The following SYCP1 variants were observed in gnomAD, a reference collection of about 807,000 sequenced individuals.
SYCP1 encodes cancer/testis antigen 8.
SYCP1 carries 64 observed loss-of-function variants against 153.1 expected under a neutral mutation model. The ratio of observed to expected loss-of-function variants is 0.42; its 90% CI spans 0.34 to 0.51. The LOEUF (loss-of-function observed/expected upper bound fraction) is 0.51, where lower values mean the gene tolerates loss of function less well. Among genes scored for constraint, SYCP1 ranks in the 20% least tolerant of loss-of-function variants. The pLI, the probability that SYCP1 is intolerant of heterozygous loss-of-function variation, is 0.06. For missense variants in SYCP1, 997 were observed against 1,049.0 expected, an observed-to-expected ratio of 0.95 and a Z score of 0.68; for synonymous variants, 384 against 341.8, an observed-to-expected ratio of 1.12 and a Z score of -1.36.
At chr1:114,966,005 C>T (rs1462454147) in intron 27 of SYCP1, among the ~76,000 whole-genome samples, 2 of 152,114 alleles carry the variant, frequency 1.3e-5, no homozygotes, top group Admixed American at 6.6e-5. Context: ...CTATTAATTA[C>T]TGCCTCAATT....
At chr1:114,878,584 C>G (rs181229503) in intron 12 of SYCP1, among the ~76,000 whole-genome samples, 106 of 152,266 alleles carry the variant, frequency 7.0e-4, no homozygotes, top group Admixed American at 2.4e-3. Context: ...CACTGTATCA[C>G]CCAGGCTGGA....
In SYCP1 at chr1:114,981,503, A is replaced by G; in HGVS notation, c.2550A>G (p.Pro850=). Residue 850 remains proline (P), a synonymous_variant, in exon 29 of 32, where the codon CCA becomes CCG. Coordinates refer to ENST00000369522, the MANE Select transcript of SYCP1 (RefSeq NM_003176.4). Reference sequence around the variant, plus strand: ...CTGCCAAAAATACTTTATCTACACCATTGCCAAAGGTTTGTGTCTAAATTT... The same window carrying G: ...CTGCCAAAAATACTTTATCTACACCGTTGCCAAAGGTTTGTGTCTAAATTT... The part of the protein sequence containing the change: ...WTSAKNTLST[P]LPKAYTVKTP... The G allele has an allele frequency of 1.3e-6, 2 of 1,586,020 alleles. No homozygotes were observed. Among genetic ancestry groups the G allele is most frequent in the Non-Finnish European group, 1.7e-6 (2 of 1,172,260 alleles).
intron 15 of SYCP1, among the ~76,000 whole-genome samples, 180 bp from the exon 16 acceptor site, chr1:114,895,268 A>G (rs896713956): frequency 6.6e-6 from 1 of 151,998 alleles, no homozygotes; most frequent in Non-Finnish European, 1.5e-5. Context: ...TACTATTAAT[A>G]TTTATCTTTT....
intron 27 of SYCP1, among the ~76,000 whole-genome samples, chr1:114,951,388 T>C (rs142099795): frequency 6.6e-6 from 1 of 152,170 alleles, no homozygotes; most frequent in Non-Finnish European, 1.5e-5. Context: ...AAAATATACA[T>C]ATTATATTTG....
intron 27 of SYCP1, among the ~76,000 whole-genome samples, chr1:114,950,189 C>T (rs1229277066): frequency 3.3e-5 from 5 of 152,214 alleles, no homozygotes; most frequent in African/African-American, 1.2e-4. Flanking sequence ...ACCACATCGT[C>T]TTCCCAGCCT....
intron 8 of SYCP1, among the ~76,000 whole-genome samples, chr1:114,861,450 T>C (rs992975309): frequency 3.3e-5 from 5 of 152,152 alleles, no homozygotes; most frequent in African/African-American, 9.7e-5. Context: ...CAAGAATCCA[T>C]TGGGAAATAC....
At chr1:114,993,747 A>G (rs1283331528) in intron 30 of SYCP1, among the ~76,000 whole-genome samples, 4 of 151,472 alleles carry the variant, frequency 2.6e-5, no homozygotes, top group Middle Eastern at 3.2e-3. Context: ...AAAACTTACC[A>G]TCTTAACTCT....
chr1:114,874,408 AT>A, intron 8 of SYCP1, 97 bp from the exon 9 acceptor site: 5 of 717,282 alleles, frequency 7.0e-6, no homozygotes, highest in Non-Finnish European at 9.4e-6. Flanking sequence ...TTAACACAGA[AT>A]TTTAAATATT....
chr1:114,857,308 T>C (rs780741877), intron 4 of SYCP1, 33 bp downstream of exon 4: 13 of 1,588,656 alleles, frequency 8.2e-6, no homozygotes, highest in Non-Finnish European at 1.1e-5. Flanking sequence ...AGATATAATC[T>C]GTTTAGGTAA....
intron 27 of SYCP1, 54 bp downstream of exon 27, chr1:114,947,374 G>T: frequency 2.3e-6 from 3 of 1,279,696 alleles, no homozygotes; most frequent in Non-Finnish European, 3.3e-6. Flanking sequence ...GGGCAACTTT[G>T]CATTTTTAGA....
chr1:114,891,697 T>G (rs1260600124), intron 15 of SYCP1, among the ~76,000 whole-genome samples: 2 of 152,192 alleles, frequency 1.3e-5, no homozygotes, highest in African/African-American at 4.8e-5. Context: ...TATCTTTGCT[T>G]TCAATTTGGT....
At chr1:114,885,194 A>C (rs1666210847) in intron 12 of SYCP1, among the ~76,000 whole-genome samples, 1 of 152,176 alleles carries the variant, frequency 6.6e-6, no homozygotes, top group Admixed American at 6.5e-5. Flanking sequence ...AATAATCAAT[A>C]AAATTTGTAT....
At chr1:114,931,805 T>A (rs1300378406) in intron 23 of SYCP1, among the ~76,000 whole-genome samples, 1 of 152,164 alleles carries the variant, frequency 6.6e-6, no homozygotes, top group African/African-American at 2.4e-5. Flanking sequence ...GTTGCCTGAT[T>A]TCAAGATTTG....
chr1:114,933,976 G>C (rs1291686938), intron 23 of SYCP1, among the ~76,000 whole-genome samples: 1 of 152,168 alleles, frequency 6.6e-6, no homozygotes, highest in African/African-American at 2.4e-5. Flanking sequence ...AACAAAGTTG[G>C]AAAACACTCT....
intron 7 of SYCP1, 53 bp downstream of exon 7, chr1:114,859,863 A>T: frequency 1.8e-6 from 1 of 543,038 alleles, no homozygotes. Flanking sequence ...TTCCAAATTT[A>T]CTACTAAAAT....
intron 13 of SYCP1, among the ~76,000 whole-genome samples, 191 bp from the exon 14 acceptor site, chr1:114,885,934 C>CTA: frequency 6.6e-6 from 1 of 152,024 alleles, no homozygotes; most frequent in East Asian, 1.9e-4. Flanking sequence ...GGAGCTGGAA[C>CTA]TATAGGTGGG....
chr1:114,868,734 A>G (rs943870949), intron 8 of SYCP1, among the ~76,000 whole-genome samples: 16 of 152,380 alleles, frequency 1.1e-4, no homozygotes, highest in Middle Eastern at 3.4e-3. Flanking sequence ...TTTAATAGAT[A>G]TAGGCTTATT....
intron 16 of SYCP1, among the ~76,000 whole-genome samples, chr1:114,904,791 A>G (rs1388448544): frequency 6.6e-6 from 1 of 152,218 alleles, no homozygotes; most frequent in Non-Finnish European, 1.5e-5. Flanking sequence ...CCTGATCTTA[A>G]GAGAAAAACA....
chr1:114,879,084 T>C (rs539982546), intron 12 of SYCP1, among the ~76,000 whole-genome samples: 4 of 152,294 alleles, frequency 2.6e-5, no homozygotes, highest in Admixed American at 6.5e-5. Flanking sequence ...CTTATTGAAC[T>C]CAGACAGATG....
Sources: gnomAD v4.1 joint callset for allele counts (sites outside exome capture counted in the v4.1 genomes callset) on GRCh38, gnomAD v4.1.1 for gene constraint, MANE v1.5 for transcripts, NCBI Gene and HGNC (gene_info 2026-07-23, HGNC 2026-07-21) for gene names.